The following FRMPD1 variants were observed in gnomAD, a reference collection of about 807,000 sequenced individuals.
FRMPD1 encodes FERM and PDZ domain-containing protein 1.
In FRMPD1, 76 loss-of-function variants were observed where a neutral mutation model predicts 117.8. That is an observed-to-expected ratio of 0.65 (90% CI 0.54 to 0.78). FRMPD1 has a LOEUF of 0.78. Among genes scored for constraint, FRMPD1 ranks in the 30% least tolerant of loss-of-function variants. The pLI, the probability that FRMPD1 is intolerant of heterozygous loss-of-function variation, is 0.00. For missense variants in FRMPD1, 1,786 were observed against 1,964.5 expected (o/e 0.91, Z 1.72); for synonymous variants, 783 against 770.4 (o/e 1.02, Z -0.27).
At chr9:37,734,171 G>A (rs1824019455) in intron 12 of FRMPD1, among the ~76,000 whole-genome samples, 1 of 152,152 alleles carries the variant, frequency 6.6e-6, no homozygotes, top group East Asian at 1.9e-4. Flanking sequence ...GGTAAGTATA[G>A]GGAGGAGAAG....
At chr9:37,742,169 C>G (rs1412829129) in intron 15 of FRMPD1, among the ~76,000 whole-genome samples, 3 of 152,232 alleles carry the variant, frequency 2.0e-5, no homozygotes, top group Non-Finnish European at 4.4e-5. Context: ...ACCATCTACA[C>G]TGAGTTCAAT....
chr9:37,699,756 T>C (rs1290649926), intron 2 of FRMPD1, among the ~76,000 whole-genome samples: 1 of 152,228 alleles, frequency 6.6e-6, no homozygotes, highest in Non-Finnish European at 1.5e-5. Context: ...TGAAAAGATA[T>C]TTCTTTTAAC....
At position 37,744,825 on chromosome 9, in the gene FRMPD1, A is replaced by C; in HGVS notation, c.2793A>C (p.Lys931Asn). 2 of 1,614,054 alleles carry C rather than the reference A, an allele frequency of 1.2e-6. No individual in the cohort carries two copies. Among genetic ancestry groups the C allele is most frequent in the Non-Finnish European group, 1.7e-6 (2 of 1,179,978 alleles). ...MEMEPETMETKSVIDSRVSSI... is the reference protein window; with the variant it reads ...MEMEPETMETNSVIDSRVSSI... ...TGGAGCCCGAGACCATGGAAACCAA[A>C]TCAGTCATCGACTCTCGAGTGTCTT... The change falls in exon 16 of 16, where the codon AAA (lysine) becomes AAC (asparagine). Residue 931 changes from lysine to asparagine, a missense_variant. Coordinates refer to ENST00000377765, the MANE Select transcript of FRMPD1 (RefSeq NM_014907.3).
intron 2 of FRMPD1, among the ~76,000 whole-genome samples, chr9:37,693,425 A>G (rs1822217636): frequency 6.6e-6 from 1 of 152,204 alleles, no homozygotes; most frequent in South Asian, 2.1e-4. Flanking sequence ...TGAGACACAC[A>G]TTCTTCCAAA....
At chr9:37,710,694 C>T (rs559778495) in intron 4 of FRMPD1, among the ~76,000 whole-genome samples, 88 of 151,984 alleles carry the variant, frequency 5.8e-4, no homozygotes, top group South Asian at 2.3e-3. Flanking sequence ...GGGTTGGGCA[C>T]GGTGGCTCAC....
the FRMPD1 span, among the ~76,000 whole-genome samples, chr9:37,630,413 G>A: frequency 3.3e-5 from 5 of 151,482 alleles, no homozygotes; most frequent in East Asian, 3.9e-4. Context: ...ACAGGGTTTC[G>A]CTCTGTCACC....
the FRMPD1 span, among the ~76,000 whole-genome samples, chr9:37,607,921 G>T: frequency 6.6e-6 from 1 of 152,206 alleles, no homozygotes; most frequent in Non-Finnish European, 1.5e-5. Flanking sequence ...GATAGCAAGA[G>T]TGTGTTTCTT....
In FRMPD1 at chr9:37,745,771, T is replaced by C. The variant is rs774280286; in HGVS notation, c.3739T>C (p.Trp1247Arg). ...QDIAPRDSPEWVCFNPEPSLP... is the reference protein window; with the variant it reads ...QDIAPRDSPERVCFNPEPSLP... ...TATAGCCCCTAGGGACAGCCCTGAG[T>C]GGGTCTGTTTTAATCCTGAGCCTTC... Residue 1247 changes from tryptophan (W) to arginine (R), a missense_variant, in exon 16 of 16, where the codon TGG (tryptophan) becomes CGG (arginine). By Grantham distance (101) the Trp-to-Arg change is moderately radical. Transcript: ENST00000377765. 85 of 1,613,830 alleles carry C rather than the reference T, an allele frequency of 5.3e-5. 1 individual carries two copies. In the South Asian group the frequency reaches 8.9e-4, roughly 17 times the overall value.
At chr9:37,659,477 C>T (rs970969653) in intron 1 of FRMPD1, among the ~76,000 whole-genome samples, 4 of 152,090 alleles carry the variant, frequency 2.6e-5, no homozygotes, top group East Asian at 1.9e-4. Context: ...CATGCTATGG[C>T]GAGTCCAGTG....
chr9:37,622,613 C>A, the FRMPD1 span, among the ~76,000 whole-genome samples: 1 of 152,190 alleles, frequency 6.6e-6, no homozygotes, highest in Non-Finnish European at 1.5e-5. Flanking sequence ...TGGCCTGAGC[C>A]TTTTTTGTGT....
chr9:37,693,505 G>T (rs1011875105), intron 2 of FRMPD1, among the ~76,000 whole-genome samples: 1 of 152,206 alleles, frequency 6.6e-6, no homozygotes, highest in African/African-American at 2.4e-5. Flanking sequence ...CTGTGGCCAA[G>T]TTCTCTGATC....
At chr9:37,703,930 A>G (rs1468006214) in intron 2 of FRMPD1, among the ~76,000 whole-genome samples, 5 of 152,188 alleles carry the variant, frequency 3.3e-5, no homozygotes, top group Non-Finnish European at 7.3e-5. Flanking sequence ...AGTTGTTTCC[A>G]CTTTTGGACA....
At chr9:37,631,607 T>A in the FRMPD1 span, among the ~76,000 whole-genome samples, 1 of 152,206 alleles carries the variant, frequency 6.6e-6, no homozygotes, top group Non-Finnish European at 1.5e-5. Flanking sequence ...ATTTCTTTCT[T>A]CTTTTCTCTT....
chr9:37,637,267 A>G, the FRMPD1 span: 1 of 1,602,680 alleles, frequency 6.2e-7, no homozygotes, highest in Non-Finnish European at 8.5e-7. Context: ...AAAGCAGCTT[A>G]AACAGGCAGT....
At chr9:37,697,139 C>T (rs1391936467) in intron 2 of FRMPD1, among the ~76,000 whole-genome samples, 1 of 152,052 alleles carries the variant, frequency 6.6e-6, no homozygotes, top group Non-Finnish European at 1.5e-5. Context: ...CAGTTGGTAG[C>T]CCTTAGTTTG....
chr9:37,731,033 G>C lies in FRMPD1; in HGVS notation c.788G>C (p.Cys263Ser), dbSNP rs1588964495. 3 of 1,613,792 alleles carry C rather than the reference G, an allele frequency of 1.9e-6. No individual in the cohort carries two copies. Among genetic ancestry groups the C allele is most frequent in the Non-Finnish European group, 2.5e-6 (3 of 1,179,670 alleles). The change falls in exon 9 of 16, where the codon TGT becomes TCT. Residue 263 changes from cysteine to serine, a missense_variant. Transcript: ENST00000377765. ...GACTACCGCTGCCTCTTCAGGGTCTGTTTTGTTCCCAAGGACCCCCTGGAC... is the reference window on the plus strand; with the variant it reads ...GACTACCGCTGCCTCTTCAGGGTCTCTTTTGTTCCCAAGGACCCCCTGGAC... ...SHDYRCLFRV[C>S]FVPKDPLDLL...
At chr9:37,663,142 C>T (rs1231823985) in intron 1 of FRMPD1, among the ~76,000 whole-genome samples, 2 of 152,130 alleles carry the variant, frequency 1.3e-5, no homozygotes, top group East Asian at 3.9e-4. Flanking sequence ...TAAGAGACAT[C>T]ATTAGCCAGA....
At chr9:37,693,800 C>T (rs1326096066) in intron 2 of FRMPD1, among the ~76,000 whole-genome samples, 1 of 152,182 alleles carries the variant, frequency 6.6e-6, no homozygotes, top group African/African-American at 2.4e-5. Context: ...ACCCCTTGGA[C>T]CTGGGCTCCT....
At chr9:37,679,112 C>T (rs1217295571) in intron 1 of FRMPD1, among the ~76,000 whole-genome samples, 1 of 152,242 alleles carries the variant, frequency 6.6e-6, no homozygotes, top group Non-Finnish European at 1.5e-5. Context: ...GGTGGGCAGA[C>T]ACTGTGGTTG....
Sources: allele counts gnomAD v4.1 joint callset (sites outside exome capture counted in the v4.1 genomes callset), GRCh38; gene constraint gnomAD v4.1.1; transcripts MANE v1.5; gene names NCBI Gene and HGNC (gene_info 2026-07-23, HGNC 2026-07-21).